The following SYNE2 variants were observed in gnomAD, a reference collection of about 807,000 sequenced individuals.
SYNE2 encodes spectrin repeat containing nuclear envelope protein 2.
A neutral mutation model predicts 856.3 loss-of-function variants in SYNE2; 431 were observed. That is an observed-to-expected ratio of 0.50 (90% confidence interval 0.47 to 0.55). The LOEUF is 0.55. Ranked by LOEUF, SYNE2 falls within the 20% of genes least tolerant of loss-of-function variation. The pLI, the probability that SYNE2 is intolerant of heterozygous loss-of-function variation, is 0.00. For synonymous variants in SYNE2, 2,923 were observed against 2,872.3 expected (o/e 1.02, Z -0.56); for missense variants, 8,129 against 8,023.2 (o/e 1.01, Z -0.50).
chr14:63,948,760 GTA>G (rs548858862), intron 6 of SYNE2, among the ~76,000 whole-genome samples: 7 of 54,958 alleles, frequency 1.3e-4, no homozygotes, highest in Non-Finnish European at 2.3e-4. Context: ...GTATATATAT[GTA>G]TATATATGTA....
intron 58 of SYNE2, among the ~76,000 whole-genome samples, chr14:64,088,908 T>C (rs1339219128): frequency 6.6e-6 from 1 of 152,272 alleles, no homozygotes; most frequent in Non-Finnish European, 1.5e-5. Flanking sequence ...AATGCTTCTA[T>C]AATGTTTGAT....
chr14:64,218,697 C>A lies in SYNE2; in HGVS notation c.19657+185C>A, dbSNP rs114786524. ...TTCACGAACAAATTCCTAGGCTGTT[C>A]AGTGTAATTTGAAAACTATTCTTTA... On this transcript the variant is annotated intron_variant, in intron 109 of 115. Transcript: ENST00000555002. 5.0e-3 allele frequency among the ~76,000 whole-genome samples: 754 copies of A among 152,306 alleles called. 6 individuals are homozygous for A. The highest frequency in any genetic ancestry group is 0.017 in the African/African-American group (707 of 41,556).
intron 26 of SYNE2, among the ~76,000 whole-genome samples, chr14:63,998,592 C>T (rs1377880967): frequency 2.0e-5 from 3 of 152,146 alleles, no homozygotes; most frequent in East Asian, 1.9e-4. Context: ...GACAGAGTGT[C>T]GTTCTGTCGC....
intron 49 of SYNE2, among the ~76,000 whole-genome samples, chr14:64,058,730 C>T (rs1366734023): frequency 1.3e-5 from 2 of 152,212 alleles, no homozygotes; most frequent in Non-Finnish European, 2.9e-5. Context: ...ATCCGCCCTC[C>T]TCTGCCACCC....
chr14:64,114,577 A>G (rs2097840410), intron 66 of SYNE2, among the ~76,000 whole-genome samples: 1 of 151,634 alleles, frequency 6.6e-6, no homozygotes, highest in Non-Finnish European at 1.5e-5. Flanking sequence ...CAGACAGGCC[A>G]GCCTCCTTTT....
At chr14:64,072,302 C>T (rs542717655) in intron 52 of SYNE2, among the ~76,000 whole-genome samples, 16 of 152,176 alleles carry the variant, frequency 1.1e-4, no homozygotes, top group Non-Finnish European at 2.1e-4. Flanking sequence ...ACACACCATG[C>T]AACAAAGCAC....
chr14:63,848,045 C>T (rs1414623404), upstream of SYNE2, among the ~76,000 whole-genome samples: 2 of 152,068 alleles, frequency 1.3e-5, no homozygotes, highest in African/African-American at 4.8e-5. Flanking sequence ...CACCACCATG[C>T]CTGGCTAATT....
chr14:64,196,023 A>G (rs1005941339), intron 99 of SYNE2, among the ~76,000 whole-genome samples: 1 of 152,164 alleles, frequency 6.6e-6, no homozygotes, highest in African/African-American at 2.4e-5. Flanking sequence ...ATAATGAGCA[A>G]GCGGCCTGAT....
intron 1 of SYNE2, among the ~76,000 whole-genome samples, chr14:63,882,586 G>A (rs1006666052): frequency 6.6e-6 from 1 of 151,908 alleles, no homozygotes; most frequent in African/African-American, 2.4e-5. Context: ...TTAGCTGGGT[G>A]TGGTGTCACA....
chr14:63,918,548 G>A (rs2095558907), intron 2 of SYNE2, among the ~76,000 whole-genome samples: 1 of 152,198 alleles, frequency 6.6e-6, no homozygotes, highest in Admixed American at 6.5e-5. Flanking sequence ...TGTCTCTTTG[G>A]GAGAGAGACG....
At chr14:64,039,589 G>A (rs1402487899) in intron 45 of SYNE2, among the ~76,000 whole-genome samples, 1 of 152,182 alleles carries the variant, frequency 6.6e-6, no homozygotes, top group Non-Finnish European at 1.5e-5. Context: ...AGTAGACGTT[G>A]TTGGCCATGT....
intron 73 of SYNE2, among the ~76,000 whole-genome samples, chr14:64,127,365 A>G (rs370082271): frequency 1.4e-4 from 21 of 152,280 alleles, no homozygotes; most frequent in African/African-American, 5.1e-4. Context: ...GCTTGAGCCC[A>G]GGAGTTCAAG....
intron 13 of SYNE2, among the ~76,000 whole-genome samples, chr14:63,978,579 G>A (rs959327501): frequency 1.3e-5 from 2 of 152,126 alleles, no homozygotes; most frequent in African/African-American, 4.8e-5. Flanking sequence ...CTATTTCATA[G>A]ATCAGCATTT....
intron 90 of SYNE2, among the ~76,000 whole-genome samples, chr14:64,166,248 T>C (rs2098378176): frequency 6.6e-6 from 1 of 152,168 alleles, no homozygotes; most frequent in Non-Finnish European, 1.5e-5. Flanking sequence ...TATTGTCTAT[T>C]ATAGTTTTCA....
chr14:64,024,803 C>A (rs2096965023), intron 39 of SYNE2, 109 bp from the exon 40 acceptor site: 3 of 1,144,764 alleles, frequency 2.6e-6, no homozygotes, highest in South Asian at 2.7e-5. Flanking sequence ...TAAATTATAA[C>A]AAACATATTA....
intron 50 of SYNE2, among the ~76,000 whole-genome samples, chr14:64,063,474 T>C (rs2097333365): frequency 6.6e-6 from 1 of 152,230 alleles, no homozygotes; most frequent in Admixed American, 6.5e-5. Context: ...TGATGGCTTT[T>C]CTAAAGCATC....
rs551729442 is a variant in SYNE2, at chr14:63,965,644, C to T, written c.990+1644C>T. Among the ~76,000 whole-genome samples the T allele has an allele frequency of 2.6e-5, 4 of 152,324 alleles. No individual in the cohort carries two copies. The South Asian group carries it at 8.3e-4, about 32-fold the overall frequency. On this transcript the variant is annotated intron_variant, in intron 10 of 115. Transcript: ENST00000555002. ...GTCAGGTACCCCACACAGCACTTAG[C>T]ACCTCTAGGTCTCCATCTCCCTGTC...
At chr14:64,117,440 C>T (rs966644884) in intron 66 of SYNE2, among the ~76,000 whole-genome samples, 4 of 152,096 alleles carry the variant, frequency 2.6e-5, no homozygotes, top group African/African-American at 9.7e-5. Flanking sequence ...GCTGGGACTA[C>T]AGGCGTACAC....
intron 1 of SYNE2, among the ~76,000 whole-genome samples, chr14:63,809,160 T>C (rs1888509462): frequency 6.6e-6 from 1 of 151,850 alleles, no homozygotes. Context: ...CTTTATTTTA[T>C]TTTTTTTGCT....
Sources: gnomAD v4.1 joint callset for allele counts (sites outside exome capture counted in the v4.1 genomes callset) on GRCh38, gnomAD v4.1.1 for gene constraint, MANE v1.5 for transcripts, NCBI Gene and HGNC (gene_info 2026-07-23, HGNC 2026-07-21) for gene names.